Variants in ATP10B observed in about 807,000 individuals in gnomAD.
ATP10B encodes the protein phospholipid-transporting ATPase VB.
In ATP10B, 122 loss-of-function variants were observed where a neutral mutation model predicts 141.2. The ratio of observed to expected loss-of-function variants is 0.86; its 90% CI spans 0.75 to 1.00. The LOEUF is 1.00. ATP10B is among the 50% of genes least tolerant of loss of function. ATP10B has a pLI of 0.00. For missense variants in ATP10B, 1,876 were observed against 1,825.3 expected, an observed-to-expected ratio of 1.03 and a Z score of -0.51; for synonymous variants, 685 against 692.0, an observed-to-expected ratio of 0.99 and a Z score of 0.16.
the ATP10B span, among the ~76,000 whole-genome samples, chr5:160,879,346 T>C: frequency 7.1e-5 from 7 of 99,096 alleles, no homozygotes; most frequent in Non-Finnish European, 1.0e-4. Context: ...TGAGATCACA[T>C]GGACACAGGA....
intron 3 of ATP10B, among the ~76,000 whole-genome samples, chr5:160,709,003 G>A (rs542647503): frequency 6.6e-6 from 1 of 151,738 alleles, no homozygotes; most frequent in African/African-American, 2.4e-5. Context: ...TGACAGATAT[G>A]GCCTTGCAAA....
At chr5:160,904,862 A>G in the ATP10B span, among the ~76,000 whole-genome samples, 1 of 152,214 alleles carries the variant, frequency 6.6e-6, no homozygotes, top group Non-Finnish European at 1.5e-5. Context: ...CTGACTGTGA[A>G]GTGTGAGAAG....
chr5:160,659,976 A>G (rs1761801886), intron 7 of ATP10B, among the ~76,000 whole-genome samples: 1 of 152,160 alleles, frequency 6.6e-6, no homozygotes, highest in Non-Finnish European at 1.5e-5. Flanking sequence ...TTATTTTCTC[A>G]TCTCTAATAT....
intron 2 of ATP10B, among the ~76,000 whole-genome samples, chr5:160,749,431 G>C (rs1768008304): frequency 6.6e-6 from 1 of 152,134 alleles, no homozygotes; most frequent in South Asian, 2.1e-4. Flanking sequence ...CAACCCAGCT[G>C]CCCTCCTCAT....
chr5:160,647,602 G>A (rs1760389557), intron 8 of ATP10B, among the ~76,000 whole-genome samples: 1 of 152,190 alleles, frequency 6.6e-6, no homozygotes, highest in South Asian at 2.1e-4. Flanking sequence ...GGGAGAAAGG[G>A]TCCTAAACAG....
At chr5:160,803,941 C>T (rs770582359) in intron 1 of ATP10B, among the ~76,000 whole-genome samples, 66 of 150,936 alleles carry the variant, frequency 4.4e-4, no homozygotes, top group Non-Finnish European at 8.1e-4. Context: ...TTTTTTTCAA[C>T]GTTGCCCCTG....
At chr5:160,886,179 G>A in the ATP10B span, among the ~76,000 whole-genome samples, 1 of 152,136 alleles carries the variant, frequency 6.6e-6, no homozygotes. Flanking sequence ...ACAAACACAA[G>A]TTTTATACAA....
intron 2 of ATP10B, among the ~76,000 whole-genome samples, chr5:160,733,622 T>TACACATATATGTAACACATATGTGTA (rs1554109345): frequency 1.3e-4 from 20 of 151,908 alleles, no homozygotes; most frequent in Middle Eastern, 6.8e-3. Flanking sequence ...ACACATATAT[T>TACACATATATGTAACACATATGTGTA]ACACATATAT....
At chr5:160,847,384 A>G (rs774235450) in intron 1 of ATP10B, among the ~76,000 whole-genome samples, 8 of 152,228 alleles carry the variant, frequency 5.3e-5, no homozygotes, top group Non-Finnish European at 1.0e-4. Flanking sequence ...TAAGCAATAA[A>G]TAAGCTGATA....
chr5:160,817,486 A>G (rs1367354030), intron 1 of ATP10B, among the ~76,000 whole-genome samples: 4 of 152,336 alleles, frequency 2.6e-5, no homozygotes, highest in East Asian at 1.9e-4. Flanking sequence ...CCACGGCTCA[A>G]TGAAATAAAA....
chr5:160,862,525 T>G, the ATP10B span, among the ~76,000 whole-genome samples: 12 of 152,070 alleles, frequency 7.9e-5, no homozygotes, highest in African/African-American at 2.6e-4. Context: ...AGGGACCCTG[T>G]GGGGTCCTCA....
At chr5:160,633,096 AG>A (rs1369947570) in intron 12 of ATP10B, 1 of 152,286 alleles carries the variant, frequency 6.6e-6, no homozygotes, top group Non-Finnish European at 1.5e-5. Context: ...GTAGAGAAAC[AG>A]GAATACTTTT....
intron 22 of ATP10B, among the ~76,000 whole-genome samples, chr5:160,591,701 C>A (rs926902348): frequency 2.6e-5 from 4 of 152,140 alleles, no homozygotes; most frequent in Non-Finnish European, 2.9e-5. Flanking sequence ...AATCTTTGTG[C>A]CTTCCCCAGG....
intron 9 of ATP10B, among the ~76,000 whole-genome samples, chr5:160,641,868 A>T (rs1156282134): frequency 6.6e-6 from 1 of 152,250 alleles, no homozygotes; most frequent in Non-Finnish European, 1.5e-5. Context: ...ACAAAACAGT[A>T]GGAGCAAAAA....
the ATP10B span, among the ~76,000 whole-genome samples, chr5:160,886,305 A>G: frequency 6.6e-6 from 1 of 152,336 alleles, no homozygotes; most frequent in East Asian, 1.9e-4. Context: ...CAAGAAAGGA[A>G]CATTTGATGG....
chr5:160,853,826 CTTTCT>C (rs1046066073), upstream of ATP10B, among the ~76,000 whole-genome samples: 9 of 152,134 alleles, frequency 5.9e-5, no homozygotes, highest in African/African-American at 1.9e-4. Flanking sequence ...GAGGGACTAT[CTTTCT>C]TTTGTTTGGC....
At chr5:160,893,669 C>T in the ATP10B span, among the ~76,000 whole-genome samples, 4 of 152,228 alleles carry the variant, frequency 2.6e-5, no homozygotes, top group African/African-American at 9.6e-5. Context: ...AGCGGTGGAT[C>T]TCCCAGCACA....
Position 160,729,757 on chromosome 5 carries a change from G to A in ATP10B, c.-330-12723C>T, listed in dbSNP as rs531049794. Among the ~76,000 whole-genome samples the A allele has an allele frequency of 1.2e-4, 18 of 152,278 alleles. No individual in the cohort carries two copies. In the South Asian group the frequency reaches 1.7e-3, roughly 14 times the overall value. On this transcript the variant is annotated intron_variant, in intron 2 of 25. Transcript: ENST00000327245. ...ATTTGAACTATAAAGAGTGTTTGGG[G>A]GAATGGCCCATAGTGAGCAGGTGGG...
At chr5:160,840,393 T>C (rs1039461493) in intron 1 of ATP10B, among the ~76,000 whole-genome samples, 1 of 151,848 alleles carries the variant, frequency 6.6e-6, no homozygotes. Context: ...ACAAACAGAC[T>C]AACGGAATAG....
Sources: gnomAD v4.1 joint callset for allele counts (sites outside exome capture counted in the v4.1 genomes callset) on GRCh38, gnomAD v4.1.1 for gene constraint, MANE v1.5 for transcripts, NCBI Gene and HGNC (gene_info 2026-07-23, HGNC 2026-07-21) for gene names.